Variants in ERC2 observed in about 807,000 individuals in gnomAD.
ERC2 encodes the protein ELKS/RAB6-interacting/CAST family member 2.
In ERC2, 42 loss-of-function variants were observed where a neutral mutation model predicts 114.8. The observed-to-expected ratio is 0.37, with a 90% CI of 0.29 to 0.47. ERC2 has a LOEUF of 0.47. Among genes scored for constraint, ERC2 ranks in the 20% least tolerant of loss-of-function variants. The pLI is 0.99. For missense variants in ERC2, 939 were observed against 1,150.7 expected (o/e 0.82, Z 2.66); for synonymous variants, 454 against 425.5 (o/e 1.07, Z -0.82).
At chr3:55,568,225 G>T (rs1316299931) in intron 17 of ERC2, among the ~76,000 whole-genome samples, 5 of 152,166 alleles carry the variant, frequency 3.3e-5, no homozygotes, top group Non-Finnish European at 7.3e-5. Flanking sequence ...CCTCTGAATT[G>T]TGATGAGTGG....
At chr3:55,997,336 T>A (rs964489892) in intron 10 of ERC2, among the ~76,000 whole-genome samples, 5 of 152,080 alleles carry the variant, frequency 3.3e-5, no homozygotes. Flanking sequence ...TTGACAGCGC[T>A]TTAATATTCC....
intron 17 of ERC2, among the ~76,000 whole-genome samples, chr3:55,570,067 C>T (rs2056619821): frequency 6.6e-6 from 1 of 151,958 alleles, no homozygotes; most frequent in South Asian, 2.1e-4. Flanking sequence ...ATCATGTTGG[C>T]CAGGCTGGTC....
chr3:55,557,187 G>A lies in ERC2; in HGVS notation c.*40-45911C>T, dbSNP rs192589629. ...TGGAGATGGCTCGTAGCACTGCTTT[G>A]AAGAGGGCTGGAATTTGACAAGCAG... On this transcript the variant is annotated intron_variant, in intron 17 of 17. Coordinates refer to ENST00000288221, the MANE Select transcript of ERC2 (RefSeq NM_015576.3). Among the ~76,000 whole-genome samples, 30 of 152,316 alleles carry A rather than the reference G, an allele frequency of 2.0e-4. 1 individual carries two copies. In the East Asian group the frequency reaches 5.8e-3, roughly 29 times the overall value.
intron 3 of ERC2, among the ~76,000 whole-genome samples, chr3:56,190,748 T>C (rs2150068592): frequency 6.6e-6 from 1 of 152,228 alleles, no homozygotes; most frequent in Non-Finnish European, 1.5e-5. Context: ...TAATTTTTTT[T>C]ATTTTTGTAG....
chr3:55,616,395 C>T (rs77732050), intron 17 of ERC2, among the ~76,000 whole-genome samples: 2,322 of 152,220 alleles, frequency 0.015, 61 homozygotes, highest in African/African-American at 0.052. Flanking sequence ...CAAGGATTTT[C>T]TCATTTTATA....
chr3:56,085,604 C>A (rs1424833977), intron 6 of ERC2, among the ~76,000 whole-genome samples: 1 of 152,078 alleles, frequency 6.6e-6, no homozygotes, highest in Admixed American at 6.5e-5. Flanking sequence ...TCTCATGTGG[C>A]CCATTTTTGT....
At chr3:55,824,955 A>G (rs1203996406) in intron 14 of ERC2, among the ~76,000 whole-genome samples, 1 of 152,254 alleles carries the variant, frequency 6.6e-6, no homozygotes, top group African/African-American at 2.4e-5. Context: ...TCTATTTTAG[A>G]TAAGCCAAAT....
At chr3:55,968,479 G>C (rs113218934) in intron 12 of ERC2, among the ~76,000 whole-genome samples, 5 of 152,114 alleles carry the variant, frequency 3.3e-5, no homozygotes, top group Admixed American at 6.6e-5. Context: ...AGCTATTTGC[G>C]TAAGAGCCCA....
At chr3:55,684,031 C>G (rs779957390) in intron 16 of ERC2, among the ~76,000 whole-genome samples, 172 bp from the exon 17 acceptor site, 1 of 151,976 alleles carries the variant, frequency 6.6e-6, no homozygotes, top group Non-Finnish European at 1.5e-5. Context: ...TCCACATCAC[C>G]GACTTGTCAA....
chr3:56,435,441 TG>T (rs2061974958), intron 1 of ERC2, among the ~76,000 whole-genome samples: 1 of 152,184 alleles, frequency 6.6e-6, no homozygotes, highest in Non-Finnish European at 1.5e-5. Context: ...CTCTCTATAT[TG>T]GTTTGTGCTA....
At chr3:56,299,032 C>A (rs535187811) in intron 2 of ERC2, among the ~76,000 whole-genome samples, 4 of 151,116 alleles carry the variant, frequency 2.6e-5, no homozygotes, top group Non-Finnish European at 4.4e-5. Flanking sequence ...AGTGCTTTGG[C>A]AACTGTCTTT....
chr3:56,298,817 C>T (rs111818326), intron 2 of ERC2, among the ~76,000 whole-genome samples: 323 of 152,210 alleles, frequency 2.1e-3, no homozygotes, highest in African/African-American at 6.8e-3. Context: ...CTAAAACCAA[C>T]GAATTTCACA....
chr3:56,297,970 T>C (rs2055564343), intron 2 of ERC2, among the ~76,000 whole-genome samples: 1 of 152,198 alleles, frequency 6.6e-6, no homozygotes, highest in Admixed American at 6.5e-5. Flanking sequence ...GAGAAATTAT[T>C]AGAGCATTCT....
intron 13 of ERC2, among the ~76,000 whole-genome samples, chr3:55,924,273 C>T (rs773299548): frequency 5.9e-5 from 9 of 152,046 alleles, no homozygotes; most frequent in East Asian, 3.9e-4. Context: ...AGTAAAATTT[C>T]GGCCTTTGTG....
chr3:55,732,564 A>G (rs1050131667), intron 15 of ERC2, among the ~76,000 whole-genome samples: 2 of 152,258 alleles, frequency 1.3e-5, no homozygotes, highest in Non-Finnish European at 2.9e-5. Context: ...ACTATGCTCA[A>G]TCCTTACTGG....
intron 4 of ERC2, among the ~76,000 whole-genome samples, chr3:56,170,010 G>C (rs1308825302): frequency 1.3e-5 from 2 of 152,146 alleles, no homozygotes; most frequent in Non-Finnish European, 2.9e-5. Context: ...CAGAAAAGAG[G>C]AGCTTAGCAA....
chr3:56,402,908 T>C (rs1334452842), intron 2 of ERC2, among the ~76,000 whole-genome samples: 2 of 152,202 alleles, frequency 1.3e-5, no homozygotes, highest in South Asian at 4.1e-4. Flanking sequence ...TGGATAATTC[T>C]TTGTTGCAAG....
rs138945553 is a variant in ERC2 at position 56,291,014 on chromosome 3, C to T, written c.1074+5005G>A. On this transcript the variant is annotated intron_variant, in intron 3 of 17. Coordinates refer to ENST00000288221, the MANE Select transcript of ERC2 (RefSeq NM_015576.3). ...AGGATTAGCAGCAGAACATATACTGCTTCCCATCAAGATCTTACAGCGAGA... is the reference window on the plus strand; with the variant it reads ...AGGATTAGCAGCAGAACATATACTGTTTCCCATCAAGATCTTACAGCGAGA... Among the ~76,000 whole-genome samples, 13 of 152,334 alleles carry T rather than the reference C, an allele frequency of 8.5e-5. No homozygotes were observed. In the East Asian group the frequency reaches 2.5e-3, roughly 29 times the overall value.
chr3:55,525,726 A>C (rs1263121991), intron 17 of ERC2, among the ~76,000 whole-genome samples: 1 of 152,224 alleles, frequency 6.6e-6, no homozygotes, highest in East Asian at 1.9e-4. Flanking sequence ...TTATGGCTAC[A>C]TTAAGGAGAC....
Sources: allele counts gnomAD v4.1 joint callset (sites outside exome capture counted in the v4.1 genomes callset), GRCh38; gene constraint gnomAD v4.1.1; transcripts MANE v1.5; gene names NCBI Gene and HGNC (gene_info 2026-07-23, HGNC 2026-07-21).